SULF2: variants seen among roughly 807,000 people sequenced by gnomAD.
SULF2 encodes extracellular sulfatase Sulf-2.
In SULF2, 52 loss-of-function variants were observed where a neutral mutation model predicts 107.7. The ratio of observed to expected loss-of-function variants is 0.48; its 90% CI spans 0.39 to 0.61. SULF2 has a LOEUF of 0.61. Ranked by LOEUF, SULF2 falls within the 20% of genes least tolerant of loss-of-function variation. The pLI is 0.00. For synonymous variants in SULF2, 460 were observed against 464.3 expected, an observed-to-expected ratio of 0.99 and a Z score of 0.12; for missense variants, 993 against 1,177.3, an observed-to-expected ratio of 0.84 and a Z score of 2.29.
chr20:47,774,146 G>A (rs1281635905), intron 1 of SULF2, among the ~76,000 whole-genome samples: 3 of 152,246 alleles, frequency 2.0e-5, no homozygotes, highest in Admixed American at 2.0e-4. Context: ...TTGGAGATGC[G>A]AGTGGAGTGC....
At chr20:47,724,808 T>C (rs995869553) in intron 3 of SULF2, among the ~76,000 whole-genome samples, 2 of 152,220 alleles carry the variant, frequency 1.3e-5, no homozygotes, top group Non-Finnish European at 2.9e-5. Context: ...AATCTGACAC[T>C]ACTTGCACCT....
At chr20:47,778,259 T>C (rs1434192883) in intron 1 of SULF2, among the ~76,000 whole-genome samples, 1 of 152,250 alleles carries the variant, frequency 6.6e-6, no homozygotes, top group East Asian at 1.9e-4. Flanking sequence ...CACATCTGGC[T>C]TCCACATGGC....
At chr20:47,663,298 A>G in intron 16 of SULF2, 86 bp from the exon 17 acceptor site, 24 of 1,592,130 alleles carry the variant, frequency 1.5e-5, no homozygotes, top group Non-Finnish European at 2.1e-5. Context: ...GACAGCCCCT[A>G]AAACCAGTTC....
chr20:47,736,151 A>G (rs2089723999), intron 3 of SULF2, among the ~76,000 whole-genome samples: 1 of 152,152 alleles, frequency 6.6e-6, no homozygotes, highest in African/African-American at 2.4e-5. Flanking sequence ...GACCTCCTGA[A>G]GGATAAGCAA....
chr20:47,746,964 C>T (rs2090048878), intron 2 of SULF2, among the ~76,000 whole-genome samples: 1 of 129,684 alleles, frequency 7.7e-6, no homozygotes, highest in African/African-American at 2.9e-5. Context: ...TGCACATGTA[C>T]CCTAGAACTT....
At chr20:47,692,583 C>CA (rs897079810) in intron 4 of SULF2, among the ~76,000 whole-genome samples, 2 of 151,960 alleles carry the variant, frequency 1.3e-5, no homozygotes, top group Non-Finnish European at 2.9e-5. Flanking sequence ...GCTAATTTTT[C>CA]ATTTTTATTC....
chr20:47,684,860 C>T (rs962860047), intron 5 of SULF2: 11 of 317,418 alleles, frequency 3.5e-5, no homozygotes, highest in South Asian at 7.5e-5. Flanking sequence ...AGTCCCTTGT[C>T]GGCTCTCTCA....
chr20:47,748,367 C>T (rs188220461), intron 2 of SULF2, among the ~76,000 whole-genome samples: 21 of 152,344 alleles, frequency 1.4e-4, no homozygotes, highest in African/African-American at 4.6e-4. Context: ...CCACACAACC[C>T]CACTTCCCAC....
chr20:47,765,380 A>C (rs1258641234), intron 1 of SULF2, among the ~76,000 whole-genome samples: 3 of 151,896 alleles, frequency 2.0e-5, no homozygotes, highest in African/African-American at 4.8e-5. Flanking sequence ...ACAAAAAAAA[A>C]AAAACAGGAG....
intron 15 of SULF2, 133 bp downstream of exon 15, chr20:47,663,997 T>G: frequency 2.1e-6 from 2 of 968,462 alleles, no homozygotes; most frequent in South Asian, 3.2e-5. Context: ...TAAGGCCTCT[T>G]CGAGGGCTAC....
chr20:47,747,066 T>C (rs2090062148), intron 2 of SULF2, among the ~76,000 whole-genome samples: 1 of 144,492 alleles, frequency 6.9e-6, no homozygotes, highest in African/African-American at 2.7e-5. Flanking sequence ...TCACCTAGTA[T>C]AGATGTGCTC....
At chr20:47,752,449 G>T (rs990422014) in intron 2 of SULF2, among the ~76,000 whole-genome samples, 1 of 152,078 alleles carries the variant, frequency 6.6e-6, no homozygotes, top group Non-Finnish European at 1.5e-5. Flanking sequence ...GTTCTGATAG[G>T]CTGGGTGCAG....
intron 3 of SULF2, among the ~76,000 whole-genome samples, chr20:47,714,133 G>A (rs1178616303): frequency 3.9e-5 from 6 of 152,230 alleles, no homozygotes; most frequent in African/African-American, 9.6e-5. Context: ...AAACAGACCC[G>A]CGCCATTTCG....
intron 10 of SULF2, 117 bp from the exon 11 acceptor site, chr20:47,672,510 A>C: frequency 7.0e-7 from 1 of 1,429,134 alleles, no homozygotes; most frequent in South Asian, 1.4e-5. Flanking sequence ...TCCAGCTGTT[A>C]CCGAGCCCCA....
intron 3 of SULF2, among the ~76,000 whole-genome samples, chr20:47,717,505 T>G (rs1485647698): frequency 1.3e-5 from 2 of 152,192 alleles, no homozygotes; most frequent in Non-Finnish European, 2.9e-5. Context: ...GCAGAGGGAC[T>G]GCCCCATGGC....
chr20:47,670,717 G>GAA (rs1230363293), intron 11 of SULF2, among the ~76,000 whole-genome samples: 5 of 101,132 alleles, frequency 4.9e-5, no homozygotes, highest in African/African-American at 7.5e-5. Context: ...GGGGGTGGGA[G>GAA]CGGGGTGGGA....
intron 4 of SULF2, among the ~76,000 whole-genome samples, chr20:47,697,615 G>A (rs546877801): frequency 5.2e-4 from 79 of 152,236 alleles, no homozygotes; most frequent in African/African-American, 1.7e-3. Context: ...TCACCGCCCC[G>A]CCCTCTGCCC....
intron 1 of SULF2, among the ~76,000 whole-genome samples, chr20:47,780,501 C>T (rs1359914706): frequency 6.6e-6 from 1 of 152,188 alleles, no homozygotes; most frequent in African/African-American, 2.4e-5. Context: ...AGAGGCCTCC[C>T]TGACAGCCTG....
chr20:47,702,437 A>G (rs995651644), intron 4 of SULF2, 82 bp downstream of exon 4: 5 of 1,510,408 alleles, frequency 3.3e-6, no homozygotes, highest in Non-Finnish European at 4.5e-6. Flanking sequence ...CACAATCTGA[A>G]CCCAAGTAGT....
Sources: gnomAD v4.1 joint callset for allele counts (sites outside exome capture counted in the v4.1 genomes callset) on GRCh38, gnomAD v4.1.1 for gene constraint, MANE v1.5 for transcripts, NCBI Gene and HGNC (gene_info 2026-07-23, HGNC 2026-07-21) for gene names.